Variants in SNCG observed in about 807,000 individuals in gnomAD.
The protein encoded by SNCG is synuclein gamma.
SNCG carries 13 observed loss-of-function variants against 16.0 expected under a neutral mutation model. The ratio of observed to expected loss-of-function variants is 0.81; its 90% CI spans 0.53 to 1.29. SNCG has a LOEUF of 1.29. Among genes scored for constraint, SNCG ranks in the 50% most tolerant of loss-of-function variants. The pLI, the probability that SNCG is intolerant of heterozygous loss-of-function variation, is 0.00. For missense variants in SNCG, 154 were observed against 168.5 expected, an observed-to-expected ratio of 0.91 and a Z score of 0.48; for synonymous variants, 66 against 66.3, an observed-to-expected ratio of 1.00 and a Z score of 0.02.
In SNCG at chr10:86,959,412, T is replaced by A; in HGVS notation, c.122-221T>A. The A allele has an allele frequency of 1.7e-6, 1 of 596,152 alleles. No homozygotes were observed. The allele number at this position is 596,152 out of a possible 1,614,324, so 36.9% of individuals were successfully genotyped here. A position where few individuals can be genotyped will look rare whatever the true frequency, so the allele number is the denominator to read the frequency against. ...CTAGCCAGTGTCCCTACCTCAGGCC[T>A]GCTCTCTCTTGTCCCCCACATTCTG... is the stretch of plus-strand genomic sequence containing the variant. On this transcript the variant is annotated intron_variant, in intron 1 of 4. Coordinates refer to ENST00000372017, the MANE Select transcript of SNCG (RefSeq NM_003087.3). This position sits in a 1 kb window ranked among gnomAD's most constrained non-coding sequence, Gnocchi z 4.3.
chr10:86,959,980 C>G lies in SNCG; in HGVS notation c.164-21C>G. The G allele has an allele frequency of 6.3e-7, 1 of 1,576,274 alleles. No individual in the cohort carries two copies. Among genetic ancestry groups the G allele is most frequent in the Non-Finnish European group, 8.6e-7 (1 of 1,161,918 alleles). On this transcript the variant is annotated intron_variant, in intron 2 of 4. Transcript: ENST00000372017. The surrounding 1 kb of genome is among the most constrained non-coding windows in gnomAD (Gnocchi z 4.3). ...CTTGGGGCTGGGGCTGGGGTGGAGG[C>G]CAGCCAGTGTCCTCCCATAGTGGCC...
intron 3 of SNCG, among the ~76,000 whole-genome samples, chr10:86,961,256 T>C (rs1284838771): frequency 6.6e-6 from 1 of 152,062 alleles, no homozygotes; most frequent in African/African-American, 2.4e-5. Context: ...AGCCGCTCCC[T>C]CTCCTAGTTC....
rs745401175 is a variant in SNCG, at chr10:86,960,111, T to A, written c.274T>A (p.Ser92Thr). ...GGAGGCGGAGAACATCGCGGTCACCTCCGGGGTGGTGCGCAAGGTGAGCCC... is the reference window on the plus strand; with the variant it reads ...GGAGGCGGAGAACATCGCGGTCACCACCGGGGTGGTGCGCAAGGTGAGCCC... ...VEEAENIAVT[S>T]GVVRKEDLRP... Residue 92 changes from serine to threonine, a missense_variant, in exon 3 of 5, where the codon TCC becomes ACC. By Grantham distance (58) the Ser-to-Thr change is moderately conservative. Transcript: ENST00000372017. The A allele has an allele frequency of 2.5e-6, 4 of 1,611,814 alleles. No individual in the cohort carries two copies. The highest frequency in any genetic ancestry group is 8.5e-7 in the Non-Finnish European group (1 of 1,179,272).
chr10:86,957,317 C>G (rs1419563686), upstream of SNCG: 6 of 1,558,148 alleles, frequency 3.9e-6, no homozygotes, highest in East Asian at 1.1e-4. Flanking sequence ...AGGCTCTGCT[C>G]TAGCTGAGCT....
At chr10:86,962,582 T>C (rs374539184) in intron 3 of SNCG, 22 bp from the exon 4 acceptor site, 26 of 1,586,748 alleles carry the variant, frequency 1.6e-5, no homozygotes, top group Non-Finnish European at 2.2e-5. Flanking sequence ...CATGGTCTCA[T>C]GCCCCCTTTT....
upstream of SNCG, chr10:86,958,049 G>C: frequency 1.0e-6 from 1 of 985,424 alleles, no homozygotes. Context: ...AGAGGCCAAG[G>C]CATGAGGAAG....
chr10:86,962,846 T>C lies in SNCG; in HGVS notation c.364-119T>C, dbSNP rs1244816476. 4.8e-6 allele frequency: 6 copies of C among 1,244,796 alleles called. No individual in the cohort carries two copies. In the East Asian group the frequency reaches 1.3e-4, roughly 26 times the overall value. 77.1% of individuals were successfully genotyped at this position (1,244,796 alleles called of 1,614,324 possible). Reference sequence around the variant, plus strand: ...GCTAACCCTGAACCTGAGTGGGAGGTCCCCCCACGGATGACCCCTCAGGCA... The same window carrying C: ...GCTAACCCTGAACCTGAGTGGGAGGCCCCCCCACGGATGACCCCTCAGGCA... On this transcript the variant is annotated intron_variant, in intron 4 of 4. Coordinates refer to ENST00000372017, the MANE Select transcript of SNCG (RefSeq NM_003087.3).
rs1460038587 is a variant in SNCG, at chr10:86,958,772, G to A, written c.75G>A (p.Gly25=). ...VVGAVEKTKQ[G]VTEAAEKTKE... is the part of the protein sequence containing the mutation. The stretch of plus-strand genomic sequence containing the variant: ...GTGCGGTGGAAAAGACCAAGCAGGG[G>A]GTGACGGAAGCAGCTGAGAAGACCA... The change falls in exon 1 of 5, where the codon GGG becomes GGA. Residue 25 remains glycine (G), a synonymous_variant. Transcript: ENST00000372017. The A allele has an allele frequency of 5.0e-6, 8 of 1,613,466 alleles. No individual in the cohort carries two copies. The highest frequency in any genetic ancestry group is 6.8e-6 in the Non-Finnish European group (8 of 1,179,694).
In SNCG at chr10:86,959,994, C is replaced by G. The variant is rs1844312615; in HGVS notation, c.164-7C>G. ...TGGGGTGGAGGCCAGCCAGTGTCCT[C>G]CCATAGTGGCCGAGAAGACCAAGGA... On this transcript the variant is annotated splice_polypyrimidine_tract_variant and splice_region_variant and intron_variant, in intron 2 of 4. Transcript: ENST00000372017. The surrounding 1 kb of genome is among the most constrained non-coding windows in gnomAD (Gnocchi z 4.3). 1.3e-6 allele frequency: 2 copies of G among 1,589,274 alleles called. No homozygotes were observed. The highest frequency in any genetic ancestry group is 2.3e-5 in the East Asian group (1 of 43,900).
chr10:86,960,302 G>A (rs1036603723), intron 3 of SNCG, among the ~76,000 whole-genome samples, 174 bp downstream of exon 3: 1 of 152,154 alleles, frequency 6.6e-6, no homozygotes, highest in East Asian at 1.9e-4. Flanking sequence ...CTTGCTGTTC[G>A]ACCTGCATTC....
In SNCG at chr10:86,959,964, G is replaced by T; in HGVS notation, c.164-37G>T. ...ACTCCAGCAGGCCTGCCTTGGGGCT[G>T]GGGCTGGGGTGGAGGCCAGCCAGTG... On this transcript the variant is annotated intron_variant, in intron 2 of 4. Coordinates refer to ENST00000372017, the MANE Select transcript of SNCG (RefSeq NM_003087.3). This position sits in a 1 kb window ranked among gnomAD's most constrained non-coding sequence, Gnocchi z 4.3. 1 of 1,565,034 alleles carries T rather than the reference G, an allele frequency of 6.4e-7. No homozygotes were observed. The highest frequency in any genetic ancestry group is 8.7e-7 in the Non-Finnish European group (1 of 1,155,558).
chr10:86,957,813 C>T, upstream of SNCG: 1 of 1,247,890 alleles, frequency 8.0e-7, no homozygotes, highest in South Asian at 2.6e-5. Context: ...CATGGGGTGG[C>T]CCCACCAAAT....
At position 86,960,080 on chromosome 10, in the gene SNCG, C is replaced by G. The variant is rs763085676; in HGVS notation, c.243C>G (p.Thr81=). 6.2e-7 allele frequency: 1 copy of G among 1,613,404 alleles called. No individual in the cohort carries two copies. The highest frequency in any genetic ancestry group is 8.5e-7 in the Non-Finnish European group (1 of 1,179,850). Residue 81 remains threonine, a synonymous_variant, in exon 3 of 5, where the codon ACC becomes ACG. Coordinates refer to ENST00000372017, the MANE Select transcript of SNCG (RefSeq NM_003087.3). The part of the protein sequence containing the change: ...VSSVNTVATK[T]VEEAENIAVT... ...GCGTCAACACTGTGGCCACCAAGAC[C>G]GTGGAGGAGGCGGAGAACATCGCGG...
upstream of SNCG, among the ~76,000 whole-genome samples, chr10:86,957,100 C>G (rs1228232280): frequency 6.6e-6 from 1 of 152,216 alleles, no homozygotes; most frequent in African/African-American, 2.4e-5. Context: ...CCCCAGTGCC[C>G]CATGCTGGGT....
chr10:86,962,696 G>A (rs1176471460), intron 4 of SNCG, 21 bp downstream of exon 4: 2 of 1,588,180 alleles, frequency 1.3e-6, no homozygotes, highest in Non-Finnish European at 1.7e-6. Context: ...GGCTCCTGGG[G>A]TGCACCATGG....
At chr10:86,962,928 G>T in intron 4 of SNCG, 37 bp from the exon 5 acceptor site, 4 of 1,589,824 alleles carry the variant, frequency 2.5e-6, no homozygotes, top group Non-Finnish European at 3.4e-6. Context: ...TAAGGCTGGG[G>T]CCTGGAGCTG....
At chr10:86,955,882 C>T (rs1022615418), upstream of SNCG, among the ~76,000 whole-genome samples, 9 of 152,270 alleles carry the variant, frequency 5.9e-5, no homozygotes, top group Admixed American at 2.6e-4. Flanking sequence ...CACTCAGAAC[C>T]CCAGAGAAGG....
chr10:86,961,387 A>T (rs181866557), intron 3 of SNCG, among the ~76,000 whole-genome samples: 135 of 152,020 alleles, frequency 8.9e-4, no homozygotes, highest in Middle Eastern at 3.4e-3. Flanking sequence ...CAGGGCCATG[A>T]CCTCCATGAA....
At chr10:86,957,604 T>G (rs1844257654), upstream of SNCG, 6 of 1,514,142 alleles carry the variant, frequency 4.0e-6, no homozygotes. Flanking sequence ...AAACTGCTAG[T>G]GACGTTGTCT....
Sources: gnomAD v4.1 joint callset for allele counts (sites outside exome capture counted in the v4.1 genomes callset) on GRCh38, gnomAD v4.1.1 for gene constraint, Gnocchi (gnomAD v3.1) non-coding constraint, MANE v1.5 for transcripts, NCBI Gene and HGNC (gene_info 2026-07-23, HGNC 2026-07-21) for gene names.